The following CAMKK1 variants were observed in gnomAD, a reference collection of about 807,000 sequenced individuals.
CAMKK1 encodes the protein calcium/calmodulin dependent protein kinase kinase 1, also known as calcium/calmodulin-dependent protein kinase kinase 1.
CAMKK1 carries 20 observed loss-of-function variants against 63.5 expected under a neutral mutation model. The ratio of observed to expected loss-of-function variants is 0.32; its 90% CI spans 0.22 to 0.46. The LOEUF is 0.46. Among genes scored for constraint, CAMKK1 ranks in the 20% least tolerant of loss-of-function variants. CAMKK1 has a pLI of 1.00. For missense variants in CAMKK1, 588 were observed against 658.1 expected, an observed-to-expected ratio of 0.89 and a Z score of 1.17; for synonymous variants, 253 against 269.0, an observed-to-expected ratio of 0.94 and a Z score of 0.58.
Position 3,862,911 on chromosome 17 carries a change from G to A in CAMKK1, c.1446-628C>T, listed in dbSNP as rs935185475. ...CTCAGCCTCCTAAAGTGTTGGGATTGCAGGCGTGAGCCACCGTGCCCGGCC... is the reference window on the plus strand; with the variant it reads ...CTCAGCCTCCTAAAGTGTTGGGATTACAGGCGTGAGCCACCGTGCCCGGCC... On this transcript the variant is annotated intron_variant, in intron 15 of 15. Transcript: ENST00000348335. This position sits in a 1 kb window ranked among gnomAD's most constrained non-coding sequence, Gnocchi z 4.1. 3.6e-4 allele frequency among the ~76,000 whole-genome samples: 55 copies of A among 152,256 alleles called. No individual in the cohort carries two copies. Among genetic ancestry groups the A allele is most frequent in the African/African-American group, 1.2e-3 (51 of 41,564 alleles).
At chr17:3,872,664 AGG>A (rs765091906) in intron 11 of CAMKK1, 37 bp from the exon 12 acceptor site, 60 of 1,584,794 alleles carry the variant, frequency 3.8e-5, no homozygotes, top group Non-Finnish European at 1.5e-5. Flanking sequence ...ATGTGGGTCC[AGG>A]GCCTCGACCT....
intron 1 of CAMKK1, among the ~76,000 whole-genome samples, chr17:3,886,624 T>C (rs954246296): frequency 6.6e-6 from 1 of 151,554 alleles, no homozygotes; most frequent in African/African-American, 2.4e-5. Flanking sequence ...GGAGCAAGAC[T>C]CGGTTTCAAA....
At chr17:3,865,865 A>G (rs374467795) in intron 15 of CAMKK1, 43 bp downstream of exon 15, 322 of 1,611,744 alleles carry the variant, frequency 2.0e-4, no homozygotes, top group Non-Finnish European at 2.6e-4. Context: ...TCCCCACCCA[A>G]CTCCAGGGAG....
In CAMKK1 at chr17:3,869,547, C is replaced by T. The variant is rs1326315073; in HGVS notation, c.1281G>A (p.Val427=). The change falls in exon 14 of 16, where the codon GTG becomes GTA. Residue 427 remains valine (V), a synonymous_variant. Transcript: ENST00000348335. ...LPSEEEHCSV[V]EVTEEEVKNS... Reference sequence around the variant, plus strand: ...TCTTAACCTCCTCCTCTGTCACCTCCACCACGCTGCAGTGCTCCTCCTCCG... The same window carrying T: ...TCTTAACCTCCTCCTCTGTCACCTCTACCACGCTGCAGTGCTCCTCCTCCG... 5 of 1,614,236 alleles carry T rather than the reference C, an allele frequency of 3.1e-6. No individual in the cohort carries two copies. Among genetic ancestry groups the T allele is most frequent in the Admixed American group, 1.7e-5 (1 of 60,034 alleles).
chr17:3,885,684 C>A lies in CAMKK1; in HGVS notation c.4G>T (p.Glu2Ter). The change falls in exon 2 of 16, where the codon GAG becomes TAG. Residue 2 changes from glutamate to a stop codon, truncating the protein, a stop_gained. Coordinates refer to ENST00000348335, the MANE Select transcript of CAMKK1 (RefSeq NM_032294.3). LOFTEE classifies it high-confidence loss of function. The part of the protein sequence containing the change: M[E>*]GGPAVCCQDP... ...TGGCAGCAGACAGCTGGACCCCCCT[C>A]CATTGCTTCAGTCAAGGGGGTTCTT... The A allele has an allele frequency of 6.2e-7, 1 of 1,612,686 alleles. No homozygotes were observed. The highest frequency in any genetic ancestry group is 1.1e-5 in the South Asian group (1 of 91,090).
At chr17:3,866,118 C>T in intron 14 of CAMKK1, 107 bp from the exon 15 acceptor site, 1 of 1,316,700 alleles carries the variant, frequency 7.6e-7, no homozygotes, top group South Asian at 1.3e-5. Context: ...CAGTGCGGGT[C>T]CCATCTCAAT....
Position 3,890,236 on chromosome 17 carries a change from C to T in CAMKK1, c.-44+2703G>A, listed in dbSNP as rs1320401840. Among the ~76,000 whole-genome samples, 1 of 152,176 alleles carries T rather than the reference C, an allele frequency of 6.6e-6. No individual in the cohort carries two copies. The highest frequency in any genetic ancestry group is 1.5e-5 in the Non-Finnish European group (1 of 68,006). The stretch of plus-strand genomic sequence containing the variant: ...GATGACTCAGTCCCCTTGAGGGAGG[C>T]CCAGGCGTCTGGTGCCAAGTCATGC... On this transcript the variant is annotated intron_variant, in intron 1 of 15. Coordinates refer to ENST00000348335, the MANE Select transcript of CAMKK1 (RefSeq NM_032294.3). The surrounding 1 kb of genome is among the most constrained non-coding windows in gnomAD (Gnocchi z 6.5).
chr17:3,876,494 C>A, intron 9 of CAMKK1, 72 bp from the exon 10 acceptor site: 1 of 1,374,622 alleles, frequency 7.3e-7, no homozygotes, highest in Non-Finnish European at 1.0e-6. Context: ...CCCGTCCTTG[C>A]ACAGCCAGGG....
intron 15 of CAMKK1, chr17:3,865,156 A>G: frequency 1.0e-6 from 1 of 985,678 alleles, no homozygotes; most frequent in Non-Finnish European, 1.2e-6. Flanking sequence ...CACAGGCCTT[A>G]TTAGCATCCC....
At chr17:3,876,156 G>A in intron 10 of CAMKK1, 67 bp downstream of exon 10, 3 of 1,456,526 alleles carry the variant, frequency 2.1e-6, no homozygotes, top group Non-Finnish European at 2.8e-6. Flanking sequence ...GTTAGAAACT[G>A]GGCCACTGCG....
In CAMKK1 at chr17:3,887,989, C is replaced by T. The variant is rs116204016; in HGVS notation, c.-43-2259G>A. Among the ~76,000 whole-genome samples the T allele has an allele frequency of 6.4e-3, 971 of 152,244 alleles. 15 individuals are homozygous for T. The highest frequency in any genetic ancestry group is 0.022 in the African/African-American group (911 of 41,516). On this transcript the variant is annotated intron_variant, in intron 1 of 15. Transcript: ENST00000348335. This position sits in a 1 kb window ranked among gnomAD's most constrained non-coding sequence, Gnocchi z 6.1. Reference sequence around the variant, plus strand: ...CAGTGCCTGGCATGTGATAGGAACTCGATAAATATTTGTTGAATAAATGAG... The same window carrying T: ...CAGTGCCTGGCATGTGATAGGAACTTGATAAATATTTGTTGAATAAATGAG...
rs564166191 is a variant in CAMKK1 at position 3,888,819 on chromosome 17, G to A, written c.-43-3089C>T. Among the ~76,000 whole-genome samples the A allele has an allele frequency of 9.2e-5, 14 of 152,296 alleles. No homozygotes were observed. The South Asian group carries it at 1.0e-3, about 11-fold the overall frequency. On this transcript the variant is annotated intron_variant, in intron 1 of 15. Transcript: ENST00000348335. ...GGCCCGAGGTTCCTGCCGCGTGTCC[G>A]GGAGACAGGGCCTGGCGCCCCGGCC...
intron 12 of CAMKK1, among the ~76,000 whole-genome samples, chr17:3,872,250 G>A (rs988167126): frequency 6.6e-6 from 1 of 152,214 alleles, no homozygotes; most frequent in African/African-American, 2.4e-5. Flanking sequence ...GAGTCCAGGG[G>A]CTGGGTGGGG....
intron 14 of CAMKK1, among the ~76,000 whole-genome samples, chr17:3,869,247 G>GCGCCCGGCCCCA (rs2054726687): frequency 2.0e-5 from 3 of 152,164 alleles, no homozygotes; most frequent in Admixed American, 2.0e-4. Flanking sequence ...GTGAGCCACC[G>GCGCCCGGCCCCA]CGCCCGGCCC....
At chr17:3,864,591 G>A (rs2054444385) in intron 15 of CAMKK1, among the ~76,000 whole-genome samples, 1 of 152,150 alleles carries the variant, frequency 6.6e-6, no homozygotes, top group Admixed American at 6.5e-5. Flanking sequence ...TCTCAAAAAT[G>A]TCCCCATTTG....
intron 12 of CAMKK1, 112 bp from the exon 13 acceptor site, chr17:3,870,000 C>T: frequency 1.2e-6 from 1 of 828,370 alleles, no homozygotes; most frequent in Non-Finnish European, 2.0e-6. Context: ...GAGTTCCGGA[C>T]AGCAGGCAGG....
At chr17:3,875,320 T>C (rs2055097121) in intron 10 of CAMKK1, among the ~76,000 whole-genome samples, 1 of 152,142 alleles carries the variant, frequency 6.6e-6, no homozygotes, top group African/African-American at 2.4e-5. Flanking sequence ...AGACAAGGTG[T>C]CGCTCAGTCA....
chr17:3,864,306 G>A (rs2054430381), intron 15 of CAMKK1, among the ~76,000 whole-genome samples: 1 of 151,746 alleles, frequency 6.6e-6, no homozygotes, highest in African/African-American at 2.4e-5. Flanking sequence ...GAGTGCAGTG[G>A]CGTGACCTTG....
In CAMKK1 at chr17:3,883,554, G is replaced by T; in HGVS notation, c.463-74C>A. ...TAGAACAGGCTGGTACATGTGGACT[G>T]AGGTCCGGAGAGGCACACTGGACAT... is the stretch of plus-strand genomic sequence containing the variant. On this transcript the variant is annotated intron_variant, in intron 4 of 15. Coordinates refer to ENST00000348335, the MANE Select transcript of CAMKK1 (RefSeq NM_032294.3). This position sits in a 1 kb window ranked among gnomAD's most constrained non-coding sequence, Gnocchi z 4.7. The T allele has an allele frequency of 8.7e-7, 1 of 1,144,788 alleles. No homozygotes were observed. Among genetic ancestry groups the T allele is most frequent in the Non-Finnish European group, 1.3e-6 (1 of 752,404 alleles). 70.9% of individuals were successfully genotyped at this position (1,144,788 alleles called of 1,614,324 possible).
Sources: allele counts gnomAD v4.1 joint callset (sites outside exome capture counted in the v4.1 genomes callset), GRCh38; gene constraint gnomAD v4.1.1; non-coding constraint Gnocchi (gnomAD v3.1); transcripts MANE v1.5; gene names NCBI Gene and HGNC (gene_info 2026-07-23, HGNC 2026-07-21).